The following PECAM1 variants were observed in gnomAD, a reference collection of about 807,000 sequenced individuals.
The protein encoded by PECAM1 is platelet endothelial cell adhesion molecule.
A neutral mutation model predicts 13.8 loss-of-function variants in PECAM1; 8 were observed. The ratio of observed to expected loss-of-function variants is 0.58; its 90% CI spans 0.34 to 1.05. The LOEUF (loss-of-function observed/expected upper bound fraction) is 1.05. PECAM1 is among the 50% of genes least tolerant of loss of function. The pLI is 0.03. For synonymous variants in PECAM1, 136 were observed against 52.6 expected, an observed-to-expected ratio of 2.58 and a Z score of -6.86; for missense variants, 304 against 141.2, an observed-to-expected ratio of 2.15 and a Z score of -5.84.
chr17:64,367,143 G>A (rs2036127545), intron 5 of PECAM1, among the ~76,000 whole-genome samples: 2 of 152,004 alleles, frequency 1.3e-5, no homozygotes, highest in South Asian at 2.1e-4. Context: ...TCTCTGTGGC[G>A]GGCCCCTTGC....
chr17:64,337,278 C>T (rs1422714251), intron 14 of PECAM1, among the ~76,000 whole-genome samples: 1 of 152,050 alleles, frequency 6.6e-6, no homozygotes, highest in Non-Finnish European at 1.5e-5. Flanking sequence ...AGCGACAGAG[C>T]CCTGATTGAC....
intron 4 of PECAM1, among the ~76,000 whole-genome samples, chr17:64,373,636 T>C (rs1391065646): frequency 1.3e-5 from 2 of 152,008 alleles, no homozygotes; most frequent in African/African-American, 4.8e-5. Context: ...AGAGGCATTA[T>C]AAATGATTGT....
Position 64,374,034 on chromosome 17 carries a change from C to T in PECAM1, c.691+1017G>A, listed in dbSNP as rs961341259. Reference sequence around the variant, plus strand: ...TTGCTGTTTGTCCAACGCAAATCTACGTTGAACAACAGGAGGCCAAGGCTG... The same window carrying T: ...TTGCTGTTTGTCCAACGCAAATCTATGTTGAACAACAGGAGGCCAAGGCTG... On this transcript the variant is annotated intron_variant, in intron 4 of 15. Transcript: ENST00000563924. Among the ~76,000 whole-genome samples, 151 of 152,278 alleles carry T rather than the reference C, an allele frequency of 9.9e-4. 1 individual carries two copies. Among genetic ancestry groups the T allele is most frequent in the Non-Finnish European group, 1.5e-3 (100 of 68,028 alleles).
chr17:64,383,031 C>T (rs9908803), intron 2 of PECAM1, among the ~76,000 whole-genome samples: 62,055 of 151,870 alleles, frequency 0.41, 14,116 homozygotes, highest in South Asian at 0.58. Context: ...CAAAGATAGA[C>T]TCCATCTCAA....
intron 15 of PECAM1, among the ~76,000 whole-genome samples, chr17:64,325,251 G>A (rs2034916029): frequency 6.6e-6 from 1 of 152,116 alleles, no homozygotes; most frequent in East Asian, 1.9e-4. Flanking sequence ...AGCCGGGCGT[G>A]GTGGCGTGTG....
intron 13 of PECAM1, among the ~76,000 whole-genome samples, chr17:64,347,662 T>C (rs2035608605): frequency 2.1e-5 from 2 of 93,240 alleles, no homozygotes; most frequent in Admixed American, 1.5e-4. Context: ...ATATATATTA[T>C]ACACAAAGAA....
intron 4 of PECAM1, among the ~76,000 whole-genome samples, chr17:64,374,736 A>AT (rs1236158091): frequency 1.3e-5 from 2 of 151,756 alleles, no homozygotes; most frequent in African/African-American, 4.8e-5. Context: ...CTGAGCCAAG[A>AT]TTGCACCACT....
At chr17:64,353,883 C>G (rs2035788161) in intron 9 of PECAM1, among the ~76,000 whole-genome samples, 1 of 151,026 alleles carries the variant, frequency 6.6e-6, no homozygotes, top group Admixed American at 6.6e-5. Flanking sequence ...GAAAAAGAGA[C>G]AATGATATGG....
intron 10 of PECAM1, among the ~76,000 whole-genome samples, 196 bp from the exon 11 acceptor site, chr17:64,352,659 C>CT (rs1194634725): frequency 1.2e-4 from 17 of 146,368 alleles, no homozygotes; most frequent in African/African-American, 4.0e-4. Context: ...TGTAAAAAAA[C>CT]TTTTTTTTTT....
intron 3 of PECAM1, 41 bp downstream of exon 3, chr17:64,377,783 A>T (rs4072031): frequency 0.45 from 212,540 of 474,022 alleles, 51,272 homozygotes; most frequent in East Asian, 0.54. Flanking sequence ...ACTGTGTGCT[A>T]TGCTCCATCT....
intron 14 of PECAM1, among the ~76,000 whole-genome samples, chr17:64,340,252 G>T (rs1249130914): frequency 3.3e-5 from 5 of 152,190 alleles, no homozygotes; most frequent in African/African-American, 1.2e-4. Flanking sequence ...GACTAGTTTT[G>T]TGGGTCTGGG....
Position 64,375,173 on chromosome 17 carries a change from A to G in PECAM1, c.569T>C (p.Ile190Thr), listed in dbSNP as rs2036328736. 1 of 475,430 alleles carries G rather than the reference A, an allele frequency of 2.1e-6. No homozygotes were observed. Among genetic ancestry groups the G allele is most frequent in the Non-Finnish European group, 3.9e-6 (1 of 259,064 alleles). 29.5% of individuals were successfully genotyped at this position (475,430 alleles called of 1,614,324 possible). Residue 190 changes from isoleucine (I) to threonine (T), a missense_variant, in exon 4 of 16, where the codon ATA (isoleucine) becomes ACA (threonine). Physicochemically the swap from Ile to Thr is moderately conservative, Grantham distance 89. Transcript: ENST00000563924. ...CTGTTCCTCAACGGGGAATTCCAGTATCACAAAATTCTGGTCTCGAGAATT... is the reference window on the plus strand; with the variant it reads ...CTGTTCCTCAACGGGGAATTCCAGTGTCACAAAATTCTGGTCTCGAGAATT... ...EKNSRDQNFV[I>T]LEFPVEEQDR...
At chr17:64,361,009 A>G (rs2143812448) in intron 6 of PECAM1, among the ~76,000 whole-genome samples, 1 of 151,502 alleles carries the variant, frequency 6.6e-6, no homozygotes, top group East Asian at 2.0e-4. Flanking sequence ...TTTTGTAGAG[A>G]CAGGGTCTCA....
chr17:64,342,883 G>A (rs930208380), intron 13 of PECAM1, among the ~76,000 whole-genome samples: 2 of 151,778 alleles, frequency 1.3e-5, no homozygotes, highest in African/African-American at 4.9e-5. Flanking sequence ...ACAGTGTGTA[G>A]GATGTGTCTA....
chr17:64,337,089 C>T (rs1422996805), intron 14 of PECAM1, among the ~76,000 whole-genome samples: 3 of 152,216 alleles, frequency 2.0e-5, no homozygotes, highest in Non-Finnish European at 4.4e-5. Context: ...AAACAGGAAA[C>T]CCCTTGGCTT....
chr17:64,365,570 C>A (rs1173788522), intron 5 of PECAM1, among the ~76,000 whole-genome samples: 1 of 152,150 alleles, frequency 6.6e-6, no homozygotes, highest in Non-Finnish European at 1.5e-5. Context: ...TGACTTCAAA[C>A]TATACTACAA....
chr17:64,354,452 A>T (rs1320924786), intron 9 of PECAM1, among the ~76,000 whole-genome samples: 2 of 152,120 alleles, frequency 1.3e-5, no homozygotes, highest in Non-Finnish European at 1.5e-5. Context: ...AACCTACCTT[A>T]TCCCACAAAA....
At chr17:64,326,927 C>T (rs1250880359) in intron 15 of PECAM1, among the ~76,000 whole-genome samples, 1 of 152,192 alleles carries the variant, frequency 6.6e-6, no homozygotes, top group Non-Finnish European at 1.5e-5. Flanking sequence ...ACAAAGTGCT[C>T]CTGTGGGCAC....
intron 15 of PECAM1, among the ~76,000 whole-genome samples, chr17:64,328,165 C>T (rs1202882024): frequency 2.0e-5 from 3 of 152,196 alleles, no homozygotes; most frequent in Admixed American, 6.5e-5. Context: ...GAGCTCCAAG[C>T]CTTTGTCCAG....
Sources: gnomAD v4.1 joint callset for allele counts (sites outside exome capture counted in the v4.1 genomes callset) on GRCh38, gnomAD v4.1.1 for gene constraint, MANE v1.5 for transcripts, NCBI Gene and HGNC (gene_info 2026-07-23, HGNC 2026-07-21) for gene names.